The following RIMBP2 variants were observed in gnomAD, a reference collection of about 807,000 sequenced individuals.
RIMBP2 encodes the protein RIMS binding protein 2.
RIMBP2 carries 48 observed loss-of-function variants against 118.6 expected under a neutral mutation model. The observed-to-expected ratio is 0.40, with a 90% CI of 0.32 to 0.51. The LOEUF (loss-of-function observed/expected upper bound fraction) is 0.51. RIMBP2 is among the 20% of genes least tolerant of loss of function. The probability of loss-of-function intolerance (pLI) is 0.41; values close to 1 mark genes in which losing one functional copy is unlikely to be tolerated. For synonymous variants in RIMBP2, 762 were observed against 742.9 expected (o/e 1.03, Z -0.42); for missense variants, 1,551 against 1,768.3 (o/e 0.88, Z 2.20).
At chr12:130,553,696 A>T (rs796856740) in intron 2 of RIMBP2, among the ~76,000 whole-genome samples, 3 of 152,154 alleles carry the variant, frequency 2.0e-5, no homozygotes, top group African/African-American at 7.2e-5. Context: ...GTGAGTCCTG[A>T]TTGTGCCACT....
At chr12:130,459,998 C>T (rs2079832872) in intron 6 of RIMBP2, among the ~76,000 whole-genome samples, 1 of 152,190 alleles carries the variant, frequency 6.6e-6, no homozygotes, top group Admixed American at 6.5e-5. Flanking sequence ...TGATGGATCA[C>T]AATAAGCTGC....
intron 1 of RIMBP2, among the ~76,000 whole-genome samples, chr12:130,642,861 G>A (rs930056182): frequency 6.6e-5 from 10 of 152,276 alleles, no homozygotes; most frequent in East Asian, 1.9e-4. Flanking sequence ...GGCTCTGAAC[G>A]GGTCACGTGC....
At chr12:130,666,255 AAGC>A (rs1190541016) in intron 1 of RIMBP2, among the ~76,000 whole-genome samples, 1 of 152,186 alleles carries the variant, frequency 6.6e-6, no homozygotes, top group Non-Finnish European at 1.5e-5. Context: ...AGGGATATGG[AAGC>A]AGCAAGTGTG....
chr12:130,484,983 A>C lies in RIMBP2; in HGVS notation c.-3-5967T>G, dbSNP rs560713948. 2.6e-5 allele frequency among the ~76,000 whole-genome samples: 4 copies of C among 152,304 alleles called. 1 individual carries two copies. Among genetic ancestry groups the C allele is most frequent in the African/African-American group, 9.6e-5 (4 of 41,552 alleles). ...TTGATTATTAATTAACACCCACTTC[A>C]TAGAGGTGTTTTGAATTTTCCTTGG... On this transcript the variant is annotated intron_variant, in intron 4 of 22. Transcript: ENST00000690449.
chr12:130,631,593 A>G (rs2061998065), intron 1 of RIMBP2, among the ~76,000 whole-genome samples: 1 of 151,962 alleles, frequency 6.6e-6, no homozygotes, highest in Non-Finnish European at 1.5e-5. Context: ...GAAAGGCAAA[A>G]CTGCCCGCTC....
At chr12:130,456,424 T>C (rs1378974408) in intron 7 of RIMBP2, 72 bp downstream of exon 7, 3 of 1,380,564 alleles carry the variant, frequency 2.2e-6, no homozygotes, top group African/African-American at 2.9e-5. Flanking sequence ...ATTTCACCTG[T>C]GCACACCCTC....
chr12:130,572,995 G>A (rs1203860304), intron 2 of RIMBP2, among the ~76,000 whole-genome samples: 5 of 152,100 alleles, frequency 3.3e-5, no homozygotes, highest in African/African-American at 9.7e-5. Context: ...TGCGAGTGAC[G>A]AAGCCTTCTT....
chr12:130,611,095 T>C (rs1453915171), intron 2 of RIMBP2, among the ~76,000 whole-genome samples: 2 of 152,188 alleles, frequency 1.3e-5, no homozygotes, highest in Non-Finnish European at 2.9e-5. Context: ...AAGAGAGCAT[T>C]GTGCCTCTAG....
intron 2 of RIMBP2, among the ~76,000 whole-genome samples, chr12:130,585,721 C>T (rs2058842344): frequency 6.6e-6 from 1 of 152,110 alleles, no homozygotes; most frequent in African/African-American, 2.4e-5. Context: ...AGCACTGAGC[C>T]CAGGAAATTC....
chr12:130,672,365 G>A (rs1053830609), intron 1 of RIMBP2, among the ~76,000 whole-genome samples: 1 of 152,234 alleles, frequency 6.6e-6, no homozygotes, highest in Non-Finnish European at 1.5e-5. Flanking sequence ...CAGCAAGTTT[G>A]AGGGTGGCTA....
chr12:130,537,536 G>A (rs1016772619), intron 2 of RIMBP2, among the ~76,000 whole-genome samples: 1 of 152,178 alleles, frequency 6.6e-6, no homozygotes, highest in African/African-American at 2.4e-5. Flanking sequence ...TCCCTCTCCT[G>A]TAGAAGTGAG....
At chr12:130,456,425 G>A (rs1237905683) in intron 7 of RIMBP2, 71 bp downstream of exon 7, 18 of 1,382,736 alleles carry the variant, frequency 1.3e-5, no homozygotes, top group Non-Finnish European at 1.8e-5. Context: ...TTTCACCTGT[G>A]CACACCCTCG....
At chr12:130,535,311 C>A (rs10848138) in intron 2 of RIMBP2, among the ~76,000 whole-genome samples, 16,316 of 151,518 alleles carry the variant, frequency 0.11, 970 homozygotes, top group East Asian at 0.2. Flanking sequence ...CCAGGCTGGG[C>A]AACATAGCAA....
intron 6 of RIMBP2, among the ~76,000 whole-genome samples, chr12:130,461,259 G>A (rs1305486943): frequency 6.6e-5 from 10 of 152,090 alleles, no homozygotes; most frequent in Admixed American, 2.0e-4. Context: ...CTTACACCTC[G>A]GGGGGTCCCG....
chr12:130,506,761 C>T lies in RIMBP2; in HGVS notation c.-117G>A. The T allele has an allele frequency of 3.0e-6, 3 of 985,740 alleles. No homozygotes were observed. Among genetic ancestry groups the T allele is most frequent in the Non-Finnish European group, 3.6e-6 (3 of 829,940 alleles). The allele number at this position is 985,740 out of a possible 1,614,324, so 61.1% of individuals were successfully genotyped here. Reference sequence around the variant, plus strand: ...AGCGGATGGTTGAGATGCACATACTCTGCCTTCACCTGCAAGCGGAAGGGA... The same window carrying T: ...AGCGGATGGTTGAGATGCACATACTTTGCCTTCACCTGCAAGCGGAAGGGA... On this transcript the variant is annotated 5_prime_UTR_variant, in exon 4 of 23. Coordinates refer to ENST00000690449, the MANE Select transcript of RIMBP2 (RefSeq NM_001393629.1).
In RIMBP2 at chr12:130,646,430, TCCACCTCCCTTG is replaced by T. The variant is rs1359548051; in HGVS notation, c.-351-17986_-351-17975del. ...CTCCACCTCCCTCACCACTTCCCTC[TCCACCTCCCTTG>T]CCACCTCCCTCGCCACCTCCCTCGC... On this transcript the variant is annotated intron_variant, in intron 1 of 22. Transcript: ENST00000690449. 1.3e-3 allele frequency among the ~76,000 whole-genome samples: 8 copies of T among 5,980 alleles called. 3 individuals carry two copies. The highest frequency in any genetic ancestry group is 3.6e-3 in the Admixed American group (2 of 552). 3.9% of individuals were successfully genotyped at this position (5,980 alleles called of 152,430 possible).
At chr12:130,548,789 G>A (rs1289170944) in intron 2 of RIMBP2, among the ~76,000 whole-genome samples, 5 of 151,652 alleles carry the variant, frequency 3.3e-5, no homozygotes, top group Admixed American at 3.3e-4. Flanking sequence ...GACCAGGCTG[G>A]TCTCAAATTC....
intron 2 of RIMBP2, among the ~76,000 whole-genome samples, chr12:130,549,012 G>C (rs1269691117): frequency 6.6e-6 from 1 of 152,202 alleles, no homozygotes; most frequent in South Asian, 2.1e-4. Context: ...TTCTGCAAAA[G>C]TATCTCTGTG....
chr12:130,508,130 C>A (rs1566166654), intron 3 of RIMBP2, among the ~76,000 whole-genome samples: 1 of 152,172 alleles, frequency 6.6e-6, no homozygotes, highest in African/African-American at 2.4e-5. Context: ...ACCACCCTCA[C>A]TTCTGAACCT....
Sources: gnomAD v4.1 joint callset for allele counts (sites outside exome capture counted in the v4.1 genomes callset) on GRCh38, gnomAD v4.1.1 for gene constraint, MANE v1.5 for transcripts, NCBI Gene and HGNC (gene_info 2026-07-23, HGNC 2026-07-21) for gene names.